The following BACH2 variants were observed in gnomAD, a reference collection of about 807,000 sequenced individuals.
BACH2 encodes the protein BACH transcriptional regulator 2.
A neutral mutation model predicts 61.8 loss-of-function variants in BACH2; 5 were observed. The observed-to-expected ratio is 0.08, with a 90% CI of 0.04 to 0.17. The LOEUF is 0.17. Among genes scored for constraint, BACH2 ranks in the 10% least tolerant of loss-of-function variants. The pLI, the probability that BACH2 is intolerant of heterozygous loss-of-function variation, is 1.00. For missense variants in BACH2, 824 were observed against 1,091.1 expected (o/e 0.76, Z 3.45); for synonymous variants, 446 against 440.1 (o/e 1.01, Z -0.17).
intron 6 of BACH2, among the ~76,000 whole-genome samples, chr6:90,004,227 CT>C (rs1255141015): frequency 6.6e-6 from 1 of 152,138 alleles, no homozygotes; most frequent in Non-Finnish European, 1.5e-5. Context: ...AATGCCTTTT[CT>C]TTAGAATCCT....
rs898879227 is a variant in BACH2 at position 90,131,094 on chromosome 6, G to A, written c.-161-41985C>T. Among the ~76,000 whole-genome samples, 10 of 152,310 alleles carry A rather than the reference G, an allele frequency of 6.6e-5. 1 individual carries two copies. The South Asian group carries it at 1.0e-3, about 16-fold the overall frequency. On this transcript the variant is annotated intron_variant, in intron 4 of 8. Transcript: ENST00000257749. The stretch of plus-strand genomic sequence containing the variant: ...CCTACCCCACCTGACAAATCCAGGA[G>A]TGGGCTCTCTGGAGGACCACTGGGG...
rs528379146 is a variant in BACH2 at position 90,291,530 on chromosome 6, A to G, written c.-446+4950T>C. ...ACAAAAAAAAAAGTAAAGGGAAAAAATTAAAAGACCCTGAACTGACAAAAA... is the reference window on the plus strand; with the variant it reads ...ACAAAAAAAAAAGTAAAGGGAAAAAGTTAAAAGACCCTGAACTGACAAAAA... On this transcript the variant is annotated intron_variant, in intron 1 of 8. Coordinates refer to ENST00000257749, the MANE Select transcript of BACH2 (RefSeq NM_021813.4). Among the ~76,000 whole-genome samples, 4 of 150,622 alleles carry G rather than the reference A, an allele frequency of 2.7e-5. No individual in the cohort carries two copies. In the South Asian group the frequency reaches 6.4e-4, roughly 24 times the overall value.
chr6:90,044,891 C>G (rs1229290066), intron 5 of BACH2, among the ~76,000 whole-genome samples: 1 of 152,116 alleles, frequency 6.6e-6, no homozygotes, highest in Non-Finnish European at 1.5e-5. Context: ...TTGGATATGA[C>G]AACTTTGAGG....
intron 8 of BACH2, among the ~76,000 whole-genome samples, chr6:89,933,621 G>C (rs1476977340): frequency 1.3e-5 from 2 of 152,062 alleles, no homozygotes; most frequent in African/African-American, 2.4e-5. Context: ...CTGTGTGTGT[G>C]GGAACAGGAC....
intron 5 of BACH2, among the ~76,000 whole-genome samples, chr6:90,072,714 A>G (rs1033716644): frequency 1.5e-4 from 23 of 152,196 alleles, no homozygotes; most frequent in Non-Finnish European, 1.5e-5. Context: ...AAAGAAAAAC[A>G]CCTTTCACAA....
intron 5 of BACH2, among the ~76,000 whole-genome samples, chr6:90,058,326 A>T (rs966857593): frequency 6.6e-6 from 1 of 152,196 alleles, no homozygotes; most frequent in Non-Finnish European, 1.5e-5. Context: ...TTATACACCA[A>T]TAACAGACAA....
At chr6:90,077,759 T>C (rs1447074470) in intron 5 of BACH2, among the ~76,000 whole-genome samples, 1 of 152,216 alleles carries the variant, frequency 6.6e-6, no homozygotes, top group Non-Finnish European at 1.5e-5. Flanking sequence ...TCACTTCTTG[T>C]CAGGTCTCAG....
intron 7 of BACH2, among the ~76,000 whole-genome samples, chr6:89,938,748 GC>G (rs1773185521): frequency 6.6e-6 from 1 of 152,152 alleles, no homozygotes; most frequent in Non-Finnish European, 1.5e-5. Context: ...CATATCTAAA[GC>G]CCCTGAATGA....
rs187053774 is a variant in BACH2, at chr6:89,943,399, T to G, written c.1837-5049A>C. Among the ~76,000 whole-genome samples the G allele has an allele frequency of 4.5e-3, 687 of 152,080 alleles. 4 individuals carry two copies. Among genetic ancestry groups the G allele is most frequent in the African/African-American group, 0.015 (622 of 41,508 alleles). On this transcript the variant is annotated intron_variant, in intron 7 of 8. Coordinates refer to ENST00000257749, the MANE Select transcript of BACH2 (RefSeq NM_021813.4). ...CTTCCTCCCAGTTAAAAGGAAACAT[T>G]GAAAAATTATATAAGTATTATATAA...
chr6:89,942,918 T>C (rs554389842), intron 7 of BACH2, among the ~76,000 whole-genome samples: 1 of 152,332 alleles, frequency 6.6e-6, no homozygotes, highest in Admixed American at 6.5e-5. Flanking sequence ...GCACGGTACC[T>C]GCCCTGTCCT....
In BACH2 at chr6:90,029,366, G is replaced by T. The variant is rs138423170; in HGVS notation, c.-12-20510C>A. 4.8e-4 allele frequency among the ~76,000 whole-genome samples: 73 copies of T among 152,214 alleles called. No homozygotes were observed. The East Asian group carries it at 0.012, about 26-fold the overall frequency. On this transcript the variant is annotated intron_variant, in intron 5 of 8. Transcript: ENST00000257749. ...GTCTCCCGAGAGACTGTTAGGAGAT[G>T]TAAATGTGATGGCTCAATCCCTGGC...
intron 5 of BACH2, among the ~76,000 whole-genome samples, chr6:90,080,488 TAAA>T (rs1366791693): frequency 6.6e-6 from 1 of 152,092 alleles, no homozygotes; most frequent in Non-Finnish European, 1.5e-5. Flanking sequence ...CGGCAAATAA[TAAA>T]AACAAAATTG....
intron 6 of BACH2, among the ~76,000 whole-genome samples, chr6:89,964,217 A>G (rs1774920616): frequency 6.6e-6 from 1 of 151,764 alleles, no homozygotes; most frequent in South Asian, 2.1e-4. Flanking sequence ...TAAAAAAAAA[A>G]AAAAAAAGAA....
rs532639660 is a variant in BACH2 at position 90,281,665 on chromosome 6, T to C, written c.-445-9724A>G. Among the ~76,000 whole-genome samples, 13 of 152,348 alleles carry C rather than the reference T, an allele frequency of 8.5e-5. 1 individual carries two copies. The highest frequency in any genetic ancestry group is 2.9e-4 in the African/African-American group (12 of 41,578). On this transcript the variant is annotated intron_variant, in intron 1 of 8. Coordinates refer to ENST00000257749, the MANE Select transcript of BACH2 (RefSeq NM_021813.4). ...GAACTTTACATGAATAGAATCACAC[T>C]GTATATATTCTTCTATCTTGCTTCT...
At chr6:89,990,463 T>C (rs1288816497) in intron 6 of BACH2, among the ~76,000 whole-genome samples, 2 of 152,144 alleles carry the variant, frequency 1.3e-5, no homozygotes, top group Admixed American at 6.5e-5. Context: ...TACCCAACCC[T>C]GTGTCTCCTC....
At chr6:90,244,381 A>G (rs1167901829) in intron 3 of BACH2, among the ~76,000 whole-genome samples, 2 of 152,206 alleles carry the variant, frequency 1.3e-5, no homozygotes, top group Non-Finnish European at 2.9e-5. Context: ...GGTAATTACT[A>G]TTACTGCTTC....
intron 6 of BACH2, among the ~76,000 whole-genome samples, chr6:89,961,240 A>G (rs540057539): frequency 3.3e-5 from 5 of 152,350 alleles, no homozygotes; most frequent in African/African-American, 1.2e-4. Context: ...TTCACAGAAT[A>G]ATTTTTAAAA....
intron 5 of BACH2, among the ~76,000 whole-genome samples, chr6:90,012,161 C>T (rs1400313955): frequency 6.6e-6 from 1 of 151,964 alleles, no homozygotes; most frequent in Non-Finnish European, 1.5e-5. Flanking sequence ...TTAGTTTGAT[C>T]CTTTGCATTT....
At chr6:90,096,829 A>G (rs1230381943) in intron 4 of BACH2, among the ~76,000 whole-genome samples, 2 of 152,042 alleles carry the variant, frequency 1.3e-5, no homozygotes, top group Non-Finnish European at 2.9e-5. Context: ...TCTTCCTCAC[A>G]CGATGAGCTC....
Sources: allele counts gnomAD v4.1 joint callset (sites outside exome capture counted in the v4.1 genomes callset), GRCh38; gene constraint gnomAD v4.1.1; transcripts MANE v1.5; gene names NCBI Gene and HGNC (gene_info 2026-07-23, HGNC 2026-07-21).